ASAP2: variants seen among roughly 807,000 people sequenced by gnomAD.
ASAP2 encodes the protein ArfGAP with SH3 domain, ankyrin repeat and PH domain 2.
In ASAP2, 45 loss-of-function variants were observed where a neutral mutation model predicts 131.4. The observed-to-expected ratio is 0.34, with a 90% CI of 0.27 to 0.44. The LOEUF (loss-of-function observed/expected upper bound fraction) is 0.44. Ranked by LOEUF, ASAP2 falls within the 20% of genes least tolerant of loss-of-function variation. The pLI is 1.00. For synonymous variants in ASAP2, 510 were observed against 503.0 expected, an observed-to-expected ratio of 1.01 and a Z score of -0.19; for missense variants, 1,011 against 1,297.0, an observed-to-expected ratio of 0.78 and a Z score of 3.39.
chr2:9,367,559 G>C (rs916946914), intron 15 of ASAP2, among the ~76,000 whole-genome samples: 2 of 151,810 alleles, frequency 1.3e-5, no homozygotes, highest in Admixed American at 6.6e-5. Flanking sequence ...CCAGGAGTTC[G>C]AGACCAGCCT....
intron 1 of ASAP2, among the ~76,000 whole-genome samples, chr2:9,248,846 T>C (rs537632376): frequency 1.1e-4 from 17 of 152,314 alleles, no homozygotes; most frequent in African/African-American, 3.8e-4. Context: ...CTTCCTGATG[T>C]CGACTCTGAT....
chr2:9,276,433 C>G (rs1017568507), intron 1 of ASAP2, among the ~76,000 whole-genome samples: 74 of 152,094 alleles, frequency 4.9e-4, no homozygotes, highest in African/African-American at 1.8e-3. Context: ...CTCAGATGAT[C>G]AGATTTTTAA....
Position 9,297,284 on chromosome 2 carries a change from C to CG in ASAP2, c.200-15dup. On this transcript the variant is annotated splice_polypyrimidine_tract_variant and intron_variant, in intron 2 of 27. Coordinates refer to ENST00000281419, the MANE Select transcript of ASAP2 (RefSeq NM_003887.3). ...GCATGCCTGAGACTCACAGCACCTC[C>CG]GTCATTCTGTTGCAGCTCACGTGGA... 6.2e-7 allele frequency: 1 copy of CG among 1,610,950 alleles called. No individual in the cohort carries two copies. Among genetic ancestry groups the CG allele is most frequent in the African/African-American group, 1.3e-5 (1 of 74,888 alleles).
At chr2:9,298,475 C>G (rs1275441035) in intron 3 of ASAP2, among the ~76,000 whole-genome samples, 2 of 152,216 alleles carry the variant, frequency 1.3e-5, no homozygotes, top group Admixed American at 6.5e-5. Flanking sequence ...AACTGTTTCT[C>G]TGCTCGAGCT....
intron 2 of ASAP2, among the ~76,000 whole-genome samples, chr2:9,293,032 T>C (rs1209970384): frequency 6.6e-6 from 1 of 152,240 alleles, no homozygotes; most frequent in Non-Finnish European, 1.5e-5. Context: ...ATTCTTGTCC[T>C]TTTTGTATCC....
intron 1 of ASAP2, among the ~76,000 whole-genome samples, chr2:9,218,655 T>C (rs1662217947): frequency 6.6e-6 from 1 of 152,174 alleles, no homozygotes; most frequent in African/African-American, 2.4e-5. Context: ...TTGGAGCAGG[T>C]GACTTCACTG....
chr2:9,326,695 A>G (rs926723853), intron 6 of ASAP2, among the ~76,000 whole-genome samples: 2 of 151,998 alleles, frequency 1.3e-5, no homozygotes, highest in Admixed American at 1.3e-4. Flanking sequence ...TTTATAACCT[A>G]TTTTCACTCT....
intron 15 of ASAP2, among the ~76,000 whole-genome samples, chr2:9,363,976 T>C (rs773247338): frequency 3.3e-5 from 5 of 152,248 alleles, no homozygotes; most frequent in Non-Finnish European, 7.3e-5. Flanking sequence ...CAGCTTAATA[T>C]CTTTAGATTC....
intron 2 of ASAP2, among the ~76,000 whole-genome samples, chr2:9,295,066 G>A (rs1027605659): frequency 6.6e-6 from 1 of 152,180 alleles, no homozygotes; most frequent in Non-Finnish European, 1.5e-5. Flanking sequence ...ATCCTTCACT[G>A]TTAACCACAC....
intron 17 of ASAP2, among the ~76,000 whole-genome samples, chr2:9,375,571 G>T (rs1399312608): frequency 6.6e-6 from 1 of 152,184 alleles, no homozygotes; most frequent in African/African-American, 2.4e-5. Context: ...AATCGACTCA[G>T]TTTTGAAATA....
chr2:9,368,742 C>T (rs891508725), intron 16 of ASAP2, among the ~76,000 whole-genome samples: 5 of 151,926 alleles, frequency 3.3e-5, no homozygotes, highest in African/African-American at 1.2e-4. Context: ...AGATGCTGTG[C>T]GTGTGTGCAG....
Position 9,400,435 on chromosome 2 carries a change from CTCCTCCCTCCTCCCTCCTGCCA to C in ASAP2, c.2735-290_2735-269del, listed in dbSNP as rs1297063338. Among the ~76,000 whole-genome samples the C allele has an allele frequency of 2.0e-3, 264 of 130,452 alleles. 1 individual carries two copies. The highest frequency in any genetic ancestry group is 7.6e-3 in the African/African-American group (250 of 33,094). The allele number at this position is 130,452 out of a possible 152,430, so 85.6% of individuals were successfully genotyped here. A position where few individuals can be genotyped will look rare whatever the true frequency, so the allele number is the denominator to read the frequency against. On this transcript the variant is annotated intron_variant, in intron 25 of 27. Coordinates refer to ENST00000281419, the MANE Select transcript of ASAP2 (RefSeq NM_003887.3). ...TCCTCTCACCCTCCTCCCTGCCTTC[CTCCTCCCTCCTCCCTCCTGCCA>C]TCCTCCCTCCTCCCTCGGCCTCTGA...
intron 1 of ASAP2, among the ~76,000 whole-genome samples, chr2:9,264,190 C>CA (rs113543532): frequency 2.4e-5 from 3 of 123,620 alleles, no homozygotes; most frequent in African/African-American, 6.7e-5. Flanking sequence ...GACCCTGTCT[C>CA]AAAAAAATAA....
At chr2:9,341,548 G>T (rs115974268) in intron 9 of ASAP2, among the ~76,000 whole-genome samples, 1 of 152,162 alleles carries the variant, frequency 6.6e-6, no homozygotes. Flanking sequence ...TGCGCGGCAC[G>T]AACAGTGTTA....
At chr2:9,221,323 CTT>C (rs35784307) in intron 1 of ASAP2, among the ~76,000 whole-genome samples, 29 of 131,978 alleles carry the variant, frequency 2.2e-4, no homozygotes, top group Non-Finnish European at 2.9e-4. Flanking sequence ...CTTTTCTTTT[CTT>C]TTTTTTTTTT....
chr2:9,237,894 T>C (rs1255428732), intron 1 of ASAP2, among the ~76,000 whole-genome samples: 1 of 152,176 alleles, frequency 6.6e-6, no homozygotes, highest in Non-Finnish European at 1.5e-5. Context: ...TTTGAGAGTA[T>C]GATCTCTGTC....
intron 17 of ASAP2, among the ~76,000 whole-genome samples, chr2:9,376,257 C>T (rs533819694): frequency 6.6e-6 from 1 of 152,340 alleles, no homozygotes; most frequent in East Asian, 1.9e-4. Flanking sequence ...GCAGGGCAGG[C>T]GGCCTGGGAA....
At chr2:9,305,205 G>A (rs1360153470) in intron 3 of ASAP2, among the ~76,000 whole-genome samples, 103 of 151,198 alleles carry the variant, frequency 6.8e-4, no homozygotes, top group African/African-American at 2.4e-3. Flanking sequence ...CTGGAGTAGT[G>A]AGGTATAGAT....
At chr2:9,254,012 C>T (rs988552349) in intron 1 of ASAP2, among the ~76,000 whole-genome samples, 2 of 151,098 alleles carry the variant, frequency 1.3e-5, no homozygotes, top group Non-Finnish European at 2.9e-5. Flanking sequence ...TCGAGACCAG[C>T]CTGGCCAATA....
Sources: gnomAD v4.1 joint callset for allele counts (sites outside exome capture counted in the v4.1 genomes callset) on GRCh38, gnomAD v4.1.1 for gene constraint, MANE v1.5 for transcripts, NCBI Gene and HGNC (gene_info 2026-07-23, HGNC 2026-07-21) for gene names.